DYM: variants seen among roughly 807,000 people sequenced by gnomAD.
DYM encodes the protein dyggve-Melchior-Clausen syndrome protein.
In DYM, 78 loss-of-function variants were observed where a neutral mutation model predicts 93.1. That is an observed-to-expected ratio of 0.84 (90% CI 0.70 to 1.01). The LOEUF (loss-of-function observed/expected upper bound fraction) is 1.01. Ranked by LOEUF, DYM falls within the 50% of genes least tolerant of loss-of-function variation. DYM has a pLI of 0.00. For missense variants in DYM, 789 were observed against 845.0 expected, an observed-to-expected ratio of 0.93 and a Z score of 0.82; for synonymous variants, 321 against 319.7, an observed-to-expected ratio of 1.00 and a Z score of -0.04.
chr18:49,078,977 T>C (rs1159780847), intron 17 of DYM, among the ~76,000 whole-genome samples: 1 of 152,222 alleles, frequency 6.6e-6, no homozygotes, highest in Non-Finnish European at 1.5e-5. Flanking sequence ...TGGTACTATG[T>C]TATACTTTGT....
chr18:49,301,882 A>G (rs2060960926), intron 8 of DYM, among the ~76,000 whole-genome samples: 1 of 152,216 alleles, frequency 6.6e-6, no homozygotes, highest in African/African-American at 2.4e-5. Context: ...TTCTGAGAGA[A>G]GAGTGCAGCC....
chr18:49,304,576 C>A (rs2061158625), intron 8 of DYM, among the ~76,000 whole-genome samples: 1 of 152,174 alleles, frequency 6.6e-6, no homozygotes. Context: ...GAAGGCTTTT[C>A]AAATGGTGAC....
intron 14 of DYM, among the ~76,000 whole-genome samples, chr18:49,205,655 G>C (rs185999665): frequency 2.6e-5 from 4 of 152,270 alleles, no homozygotes; most frequent in Middle Eastern, 3.4e-3. Flanking sequence ...AAGTGGCCAA[G>C]GTATTTAAGC....
chr18:49,148,363 AAAAAG>A (rs1368961576), intron 15 of DYM, among the ~76,000 whole-genome samples: 83 of 152,268 alleles, frequency 5.5e-4, no homozygotes, highest in African/African-American at 1.9e-3. Context: ...GAACAAAAAA[AAAAAG>A]AAAATAGAAA....
chr18:49,256,348 G>C (rs781197973), intron 13 of DYM, among the ~76,000 whole-genome samples: 6 of 152,210 alleles, frequency 3.9e-5, no homozygotes, highest in African/African-American at 1.4e-4. Context: ...TCAGAGTGAT[G>C]AGGTATGAGA....
At chr18:49,327,904 G>A (rs1887349056) in intron 8 of DYM, among the ~76,000 whole-genome samples, 1 of 152,102 alleles carries the variant, frequency 6.6e-6, no homozygotes, top group Non-Finnish European at 1.5e-5. Flanking sequence ...GGATACTGCA[G>A]GGGACACCCA....
At chr18:49,066,847 G>A (rs928233411) in intron 17 of DYM, among the ~76,000 whole-genome samples, 4 of 152,106 alleles carry the variant, frequency 2.6e-5, no homozygotes, top group Admixed American at 1.3e-4. Context: ...TTGCATCTTG[G>A]CCAACATAGC....
intron 8 of DYM, among the ~76,000 whole-genome samples, chr18:49,287,546 G>C (rs984715765): frequency 2.6e-5 from 4 of 151,732 alleles, no homozygotes; most frequent in African/African-American, 4.8e-5. Flanking sequence ...AAATTTTAGA[G>C]AAAAAATTTC....
chr18:49,308,575 T>G (rs1470875402), intron 8 of DYM, among the ~76,000 whole-genome samples: 1 of 152,200 alleles, frequency 6.6e-6, no homozygotes, highest in Non-Finnish European at 1.5e-5. Flanking sequence ...CATTATCAGC[T>G]ATTTCATGTC....
At chr18:49,103,652 C>G (rs528588771) in intron 16 of DYM, among the ~76,000 whole-genome samples, 2,593 of 152,206 alleles carry the variant, frequency 0.017, 73 homozygotes, top group African/African-American at 0.058. Context: ...TTCCCAGCAC[C>G]ATTTATTAAA....
At chr18:49,249,500 G>A (rs2094241549) in intron 13 of DYM, among the ~76,000 whole-genome samples, 1 of 152,152 alleles carries the variant, frequency 6.6e-6, no homozygotes, top group South Asian at 2.1e-4. Context: ...CAGAAGTGAG[G>A]AAGCCTGTTG....
chr18:49,142,688 A>AT lies in DYM; in HGVS notation c.1728+20996dup, dbSNP rs796927645. Among the ~76,000 whole-genome samples the AT allele has an allele frequency of 2.6e-4, 40 of 152,260 alleles. 1 individual carries two copies. Among genetic ancestry groups the AT allele is most frequent in the African/African-American group, 9.4e-4 (39 of 41,558 alleles). ...AAGGGAAAGGCAGAGTACTTTGTCT[A>AT]TTTGCATCTGGTAAACAACAAGTCC... On this transcript the variant is annotated intron_variant, in intron 15 of 17. Coordinates refer to ENST00000675505, the MANE Select transcript of DYM (RefSeq NM_001353214.3).
At chr18:49,349,278 T>C (rs757427315) in intron 6 of DYM, among the ~76,000 whole-genome samples, 4 of 152,110 alleles carry the variant, frequency 2.6e-5, no homozygotes, top group Admixed American at 6.6e-5. Context: ...TTAAATACTA[T>C]ACTGTATATG....
At chr18:49,320,365 A>G (rs2062371621) in intron 8 of DYM, among the ~76,000 whole-genome samples, 1 of 152,234 alleles carries the variant, frequency 6.6e-6, no homozygotes, top group Non-Finnish European at 1.5e-5. Context: ...TGTATTTGTG[A>G]TAATATCTCT....
intron 17 of DYM, among the ~76,000 whole-genome samples, chr18:49,067,977 G>GGA (rs1172909460): frequency 6.6e-6 from 1 of 152,048 alleles, no homozygotes; most frequent in Non-Finnish European, 1.5e-5. Context: ...GTCACAAAGA[G>GGA]GATAGGTCAA....
intron 8 of DYM, among the ~76,000 whole-genome samples, chr18:49,296,799 A>C (rs1400045191): frequency 1.3e-5 from 2 of 152,210 alleles, no homozygotes; most frequent in African/African-American, 4.8e-5. Context: ...AATACAAAGC[A>C]AAAAATAACT....
intron 1 of DYM, among the ~76,000 whole-genome samples, chr18:49,450,632 GATT>G (rs1187337069): frequency 2.6e-5 from 4 of 152,146 alleles, no homozygotes; most frequent in African/African-American, 9.7e-5. Flanking sequence ...AGGTAAACAG[GATT>G]ATCTGACATG....
intron 11 of DYM, among the ~76,000 whole-genome samples, chr18:49,266,655 CTAA>C (rs1199922875): frequency 1.3e-5 from 2 of 152,056 alleles, no homozygotes; most frequent in Admixed American, 6.6e-5. Context: ...TGATGTTCAC[CTAA>C]TGTTAATAGT....
Position 49,441,313 on chromosome 18 carries a change from TATATAATTATATATA to T in DYM, c.-53-10881_-53-10867del, listed in dbSNP as rs1221326147. Among the ~76,000 whole-genome samples the T allele has an allele frequency of 7.3e-5, 5 of 68,824 alleles. 1 individual carries two copies. Among genetic ancestry groups the T allele is most frequent in the African/African-American group, 2.7e-4 (4 of 15,054 alleles). 45.2% of individuals were successfully genotyped at this position (68,824 alleles called of 152,430 possible). A position where few individuals can be genotyped will look rare whatever the true frequency, so the allele number is the denominator to read the frequency against. ...ATATAATATAATTATATATAATTAA[TATATAATTATATATA>T]ATATAATTATATATAATTAATATAT... On this transcript the variant is annotated intron_variant, in intron 1 of 17. Coordinates refer to ENST00000675505, the MANE Select transcript of DYM (RefSeq NM_001353214.3).
Sources: gnomAD v4.1 joint callset for allele counts (sites outside exome capture counted in the v4.1 genomes callset) on GRCh38, gnomAD v4.1.1 for gene constraint, MANE v1.5 for transcripts, NCBI Gene and HGNC (gene_info 2026-07-23, HGNC 2026-07-21) for gene names.